The following FAM120B variants were observed in gnomAD, a reference collection of about 807,000 sequenced individuals.
The protein encoded by FAM120B is family with sequence similarity 120 member B.
A neutral mutation model predicts 96.3 loss-of-function variants in FAM120B; 83 were observed. That is an observed-to-expected ratio of 0.86 (90% CI 0.72 to 1.03). FAM120B has a LOEUF of 1.03. Among genes scored for constraint, FAM120B ranks in the 50% least tolerant of loss-of-function variants. The pLI, the probability that FAM120B is intolerant of heterozygous loss-of-function variation, is 0.00. For missense variants in FAM120B, 1,027 were observed against 1,121.2 expected (o/e 0.92, Z 1.20); for synonymous variants, 407 against 402.7 (o/e 1.01, Z -0.13).
At position 170,365,813 on chromosome 6, in the gene FAM120B, C is replaced by G. The variant is rs76969120; in HGVS notation, c.2283+7495C>G. ...CTGGAGCAGGGCTCTGCTGGAATCA[C>G]GGAAGGAACACACACCCTTTTTGAG... On this transcript the variant is annotated intron_variant, in intron 6 of 10. Transcript: ENST00000476287. Among the ~76,000 whole-genome samples the G allele has an allele frequency of 1.8e-4, 28 of 151,484 alleles. 1 individual carries two copies. In the Middle Eastern group the frequency reaches 0.014, roughly 74 times the overall value.
At chr6:170,390,957 C>T (rs1313302638) in intron 7 of FAM120B, 56 bp from the exon 8 acceptor site, 1 of 1,422,694 alleles carries the variant, frequency 7.0e-7, no homozygotes, top group African/African-American at 1.4e-5. Flanking sequence ...CCACATCTGG[C>T]CCTACTTTGC....
intron 6 of FAM120B, among the ~76,000 whole-genome samples, chr6:170,368,538 TG>T (rs1181197500): frequency 1.3e-5 from 2 of 152,098 alleles, no homozygotes; most frequent in African/African-American, 4.8e-5. Context: ...AATACAGGAT[TG>T]TGTAATATGT....
chr6:170,360,397 A>G (rs1788270753), intron 6 of FAM120B, among the ~76,000 whole-genome samples: 1 of 152,170 alleles, frequency 6.6e-6, no homozygotes, highest in South Asian at 2.1e-4. Flanking sequence ...CACCCTTGCC[A>G]TGTTGTAATT....
chr6:170,368,669 T>C (rs1788956215), intron 6 of FAM120B, among the ~76,000 whole-genome samples: 1 of 152,240 alleles, frequency 6.6e-6, no homozygotes, highest in Admixed American at 6.5e-5. Flanking sequence ...ATTTGGTGAA[T>C]GAATGAATAG....
At chr6:170,390,771 G>T (rs1342088898) in intron 7 of FAM120B, among the ~76,000 whole-genome samples, 1 of 152,156 alleles carries the variant, frequency 6.6e-6, no homozygotes, top group East Asian at 1.9e-4. Flanking sequence ...TACAGAAGCT[G>T]CTTGGTGTTC....
At chr6:170,346,925 T>C (rs980849562) in intron 4 of FAM120B, among the ~76,000 whole-genome samples, 1 of 152,208 alleles carries the variant, frequency 6.6e-6, no homozygotes, top group Admixed American at 6.5e-5. Context: ...TAGGGTTGTT[T>C]TGTTTTTGCT....
chr6:170,326,636 T>C (rs901718959), intron 3 of FAM120B, among the ~76,000 whole-genome samples: 3 of 152,250 alleles, frequency 2.0e-5, no homozygotes, highest in Non-Finnish European at 4.4e-5. Flanking sequence ...GCTGTTGTAG[T>C]GCAAGAGCAG....
rs906230427 is a variant in FAM120B at position 170,406,950 on chromosome 6, A to G, written c.*2199A>G. 1.1e-4 allele frequency: 16 copies of G among 152,242 alleles called. No individual in the cohort carries two copies. The highest frequency in any genetic ancestry group is 3.6e-4 in the African/African-American group (15 of 41,470). 9.4% of individuals were successfully genotyped at this position (152,242 alleles called of 1,614,324 possible). ...TAATCTTTATTACCTTTGAAAAACCAGAGAGCTGAATTTTTTGTCATTCTA... is the reference window on the plus strand; with the variant it reads ...TAATCTTTATTACCTTTGAAAAACCGGAGAGCTGAATTTTTTGTCATTCTA... On this transcript the variant is annotated 3_prime_UTR_variant, in exon 11 of 11. Transcript: ENST00000476287.
chr6:170,386,262 A>G (rs1472333492), intron 6 of FAM120B, among the ~76,000 whole-genome samples: 1 of 152,226 alleles, frequency 6.6e-6, no homozygotes, highest in Non-Finnish European at 1.5e-5. Context: ...CTGTGAACCT[A>G]AAACTGTTCT....
At chr6:170,309,564 T>C (rs1784475177) in intron 1 of FAM120B, among the ~76,000 whole-genome samples, 1 of 152,222 alleles carries the variant, frequency 6.6e-6, no homozygotes, top group Non-Finnish European at 1.5e-5. Context: ...GGTGTTTCCA[T>C]ATATTAATAC....
chr6:170,391,043 A>C lies in FAM120B; in HGVS notation c.2521A>C (p.Lys841Gln). 6.2e-7 allele frequency: 1 copy of C among 1,614,164 alleles called. No homozygotes were observed. The highest frequency in any genetic ancestry group is 8.5e-7 in the Non-Finnish European group (1 of 1,180,032). ...RSRLTKFHNL[K>Q]AVVCKACMKE... ...TCGGCTCACCAAATTCCACAACCTG[A>C]AGGCAGTCGTCTGCAAGGCCTGCAT... Residue 841 changes from lysine to glutamine, a missense_variant, in exon 8 of 11, where the codon AAG becomes CAG. This residue lies in a region of FAM120B where 142 missense variants were observed against 122.5 expected (regional missense o/e 1.16). Coordinates refer to ENST00000476287, the MANE Select transcript of FAM120B (RefSeq NM_032448.3).
At chr6:170,361,228 ATATATATACACG>A (rs1356129688) in intron 6 of FAM120B, among the ~76,000 whole-genome samples, 22 of 127,868 alleles carry the variant, frequency 1.7e-4, no homozygotes, top group Non-Finnish European at 2.3e-4. Flanking sequence ...ATATATATAT[ATATATATACACG>A]TATATATATA....
At chr6:170,312,107 A>G (rs1269029421) in intron 1 of FAM120B, among the ~76,000 whole-genome samples, 8 of 152,234 alleles carry the variant, frequency 5.3e-5, no homozygotes, top group African/African-American at 1.9e-4. Flanking sequence ...ATATATTTAT[A>G]ACAAATTAGA....
intron 3 of FAM120B, among the ~76,000 whole-genome samples, chr6:170,324,304 C>T (rs1004518526): frequency 6.6e-6 from 1 of 152,188 alleles, no homozygotes; most frequent in Non-Finnish European, 1.5e-5. Flanking sequence ...GCATGCACTG[C>T]TTTCTCCCAT....
chr6:170,377,910 C>T (rs1362199009), intron 6 of FAM120B, among the ~76,000 whole-genome samples: 2 of 108,156 alleles, frequency 1.8e-5, no homozygotes, highest in Non-Finnish European at 3.8e-5. Flanking sequence ...TCCCTAAACC[C>T]AGACGCCTGG....
Position 170,404,848 on chromosome 6 carries a change from T to C in FAM120B, c.*97T>C. On this transcript the variant is annotated 3_prime_UTR_variant, in exon 11 of 11. Transcript: ENST00000476287. ...TGCTGTTGCAGCTGCAAGGAGACCATGCCTGTGGGAGCCAGGCCTCGCTTG... is the reference window on the plus strand; with the variant it reads ...TGCTGTTGCAGCTGCAAGGAGACCACGCCTGTGGGAGCCAGGCCTCGCTTG... The C allele has an allele frequency of 2.0e-6, 1 of 493,110 alleles. No homozygotes were observed. Among genetic ancestry groups the C allele is most frequent in the Non-Finnish European group, 3.6e-6 (1 of 277,948 alleles). 30.5% of individuals were successfully genotyped at this position (493,110 alleles called of 1,614,324 possible).
chr6:170,347,776 T>C (rs1787290622), intron 4 of FAM120B, among the ~76,000 whole-genome samples: 1 of 152,136 alleles, frequency 6.6e-6, no homozygotes, highest in Non-Finnish European at 1.5e-5. Flanking sequence ...GAGAGCAAAC[T>C]AAGGGGTAGA....
In FAM120B at chr6:170,370,504, C is replaced by T. The variant is rs1256792917; in HGVS notation, c.2283+12186C>T. Among the ~76,000 whole-genome samples the T allele has an allele frequency of 6.6e-6, 1 of 152,160 alleles. No homozygotes were observed. The highest frequency in any genetic ancestry group is 2.4e-5 in the African/African-American group (1 of 41,418). ...CCAGGAGCTGCTGTCCAGTCGTGCT[C>T]TGGAAGATCTGAGTTCTTTGAAGTT... On this transcript the variant is annotated intron_variant, in intron 6 of 10. Coordinates refer to ENST00000476287, the MANE Select transcript of FAM120B (RefSeq NM_032448.3). The surrounding 1 kb of genome is among the most constrained non-coding windows in gnomAD (Gnocchi z 4.3).
In FAM120B at chr6:170,377,674, T is replaced by C. The variant is rs80046082; in HGVS notation, c.2284-10613T>C. 7.6e-3 allele frequency among the ~76,000 whole-genome samples: 282 copies of C among 37,336 alleles called. 27 individuals carry two copies. In the East Asian group the frequency reaches 0.15, roughly 20 times the overall value. 24.5% of individuals were successfully genotyped at this position (37,336 alleles called of 152,430 possible). A position where few individuals can be genotyped will look rare whatever the true frequency, so the allele number is the denominator to read the frequency against. ...ACACGCGTCCCTAAACCCAGACGCC[T>C]GGGAGAACACAGGCTCACGCTGCTC... On this transcript the variant is annotated intron_variant, in intron 6 of 10. Coordinates refer to ENST00000476287, the MANE Select transcript of FAM120B (RefSeq NM_032448.3).
Sources: gnomAD v4.1 joint callset for allele counts (sites outside exome capture counted in the v4.1 genomes callset) on GRCh38, gnomAD v4.1.1 for gene constraint, gnomAD v4.1.1 regional missense constraint, Gnocchi (gnomAD v3.1) non-coding constraint, MANE v1.5 for transcripts, NCBI Gene and HGNC (gene_info 2026-07-23, HGNC 2026-07-21) for gene names.